Variants in STK32C observed in about 807,000 individuals in gnomAD.
The protein encoded by STK32C is serine/threonine-protein kinase 32C.
A neutral mutation model predicts 56.5 loss-of-function variants in STK32C; 31 were observed. The observed-to-expected ratio is 0.55, with a 90% CI of 0.41 to 0.74. STK32C has a LOEUF of 0.74. STK32C is among the 30% of genes least tolerant of loss of function. The probability of loss-of-function intolerance (pLI) is 0.00; values close to 1 mark genes in which losing one functional copy is unlikely to be tolerated. For missense variants in STK32C, 544 were observed against 676.9 expected (o/e 0.80, Z 2.18); for synonymous variants, 309 against 289.4 (o/e 1.07, Z -0.69).
In STK32C at chr10:132,208,108, G is replaced by C. The variant is rs767412928; in HGVS notation, c.1363C>G (p.Pro455Ala). The C allele has an allele frequency of 1.5e-6, 2 of 1,311,138 alleles. No homozygotes were observed. Among genetic ancestry groups the C allele is most frequent in the South Asian group, 3.2e-5 (1 of 31,472 alleles). 81.2% of individuals were successfully genotyped at this position (1,311,138 alleles called of 1,614,324 possible). A position where few individuals can be genotyped will look rare whatever the true frequency, so the allele number is the denominator to read the frequency against. The change falls in exon 12 of 12, where the codon CCT becomes GCT. Residue 455 changes from proline to alanine, a missense_variant. Pro to Ala is a conservative substitution (Grantham distance 27). Transcript: ENST00000298630. ...GGCTCCGCAGCATCCCTGGACTCAG[G>C]GGCGGGGAGAGGCTCCCTCGGGAGG... ...QDLPREPLPAPESRDAAEPVE... is the reference protein window; with the variant it reads ...QDLPREPLPAAESRDAAEPVE...
chr10:132,248,129 A>C (rs2063754454), intron 1 of STK32C, among the ~76,000 whole-genome samples: 1 of 152,212 alleles, frequency 6.6e-6, no homozygotes, highest in Non-Finnish European at 1.5e-5. Flanking sequence ...GCACCAGCAA[A>C]GCCACTCCAA....
At chr10:132,227,085 G>A (rs2062917145) in intron 3 of STK32C, 117 bp from the exon 4 acceptor site, 9 of 1,208,276 alleles carry the variant, frequency 7.4e-6, no homozygotes, top group Non-Finnish European at 1.0e-5. Context: ...TCAGCCACCA[G>A]GCATTCCCAG....
At chr10:132,208,929 C>T (rs563514928) in intron 11 of STK32C, 105 bp downstream of exon 11, 2 of 1,049,708 alleles carry the variant, frequency 1.9e-6, no homozygotes, top group South Asian at 1.5e-5. Flanking sequence ...CAGGGCCACG[C>T]ACCCCAGGCC....
chr10:132,278,248 A>T (rs2065045734), intron 1 of STK32C, among the ~76,000 whole-genome samples: 1 of 151,858 alleles, frequency 6.6e-6, no homozygotes. Context: ...CCCAGCAAAG[A>T]CCCACACATG....
At chr10:132,329,212 C>G (rs986279372) in intron 1 of STK32C, among the ~76,000 whole-genome samples, 2 of 152,148 alleles carry the variant, frequency 1.3e-5, no homozygotes, top group East Asian at 1.9e-4. Context: ...CTCAGGAGTT[C>G]GAGACCAGCC....
downstream of STK32C, among the ~76,000 whole-genome samples, chr10:132,320,404 T>G (rs2066383208): frequency 1.3e-5 from 2 of 150,792 alleles, no homozygotes; most frequent in East Asian, 2.0e-4. Context: ...CAGTGAGGGG[T>G]GGGGGTCCGC....
intron 1 of STK32C, among the ~76,000 whole-genome samples, chr10:132,289,543 T>C (rs4453144): frequency 0.33 from 50,015 of 152,196 alleles, 8,419 homozygotes; most frequent in Non-Finnish European, 0.37. Flanking sequence ...CAGGCTACTA[T>C]AACAGATTGC....
At chr10:132,245,090 T>TA (rs1193656308) in intron 2 of STK32C, among the ~76,000 whole-genome samples, 1 of 152,164 alleles carries the variant, frequency 6.6e-6, no homozygotes, top group Non-Finnish European at 1.5e-5. Flanking sequence ...ATGGAGGTAA[T>TA]TAATCGCATT....
upstream of STK32C, among the ~76,000 whole-genome samples, chr10:132,308,860 C>T (rs969302056): frequency 6.6e-6 from 1 of 152,194 alleles, no homozygotes; most frequent in Non-Finnish European, 1.5e-5. Context: ...TGCTGGGCGC[C>T]TTGGAGTGCC....
chr10:132,236,545 C>A (rs2063302204), intron 2 of STK32C, among the ~76,000 whole-genome samples: 1 of 152,180 alleles, frequency 6.6e-6, no homozygotes, highest in Admixed American at 6.5e-5. Context: ...GCAGGACAGC[C>A]AGGAAGGCAG....
intron 1 of STK32C, among the ~76,000 whole-genome samples, chr10:132,275,124 C>T (rs1384670088): frequency 6.6e-6 from 1 of 152,198 alleles, no homozygotes; most frequent in Non-Finnish European, 1.5e-5. Context: ...GGTACTGTCC[C>T]TGGTGCTGCC....
At chr10:132,235,378 C>T (rs372635926) in intron 2 of STK32C, among the ~76,000 whole-genome samples, 18 of 149,006 alleles carry the variant, frequency 1.2e-4, no homozygotes, top group African/African-American at 4.2e-4. Flanking sequence ...TGCCTGTAAT[C>T]CCAGCTTCTC....
rs1375036493 is a variant in STK32C, at chr10:132,253,563, T to C, written c.263-7608A>G. On this transcript the variant is annotated intron_variant, in intron 1 of 11. Transcript: ENST00000298630. ...AGGGAGTCGAGGGAGCTGGAGGGAG[T>C]CGAGGGAGCTGGAGGGAGCTGGAGG... Among the ~76,000 whole-genome samples the C allele has an allele frequency of 3.1e-4, 21 of 68,104 alleles. 1 individual carries two copies. The East Asian group carries it at 6.4e-3, about 21-fold the overall frequency. The allele number at this position is 68,104 out of a possible 152,430, so 44.7% of individuals were successfully genotyped here. A position where few individuals can be genotyped will look rare whatever the true frequency, so the allele number is the denominator to read the frequency against.
intron 2 of STK32C, among the ~76,000 whole-genome samples, chr10:132,230,136 C>G (rs529177524): frequency 6.6e-6 from 1 of 152,222 alleles, no homozygotes; most frequent in Non-Finnish European, 1.5e-5. Flanking sequence ...TTGAACGAGG[C>G]CGCCTTGGGA....
chr10:132,261,288 C>T (rs11146278), intron 1 of STK32C, among the ~76,000 whole-genome samples: 36,010 of 151,664 alleles, frequency 0.24, 4,994 homozygotes, highest in Non-Finnish European at 0.33. Flanking sequence ...AGTAAAGTTT[C>T]AGGATACAGA....
intron 1 of STK32C, among the ~76,000 whole-genome samples, chr10:132,280,838 A>T (rs897318113): frequency 7.8e-6 from 1 of 127,410 alleles, no homozygotes; most frequent in Admixed American, 8.2e-5. Flanking sequence ...ATGTCCCTGC[A>T]CTCCGTGATC....
intron 1 of STK32C, among the ~76,000 whole-genome samples, chr10:132,247,982 C>T (rs149712085): frequency 0.025 from 3,843 of 152,252 alleles, 60 homozygotes; most frequent in Middle Eastern, 0.054. Context: ...AGACCCGTGG[C>T]CGACACCCAC....
At chr10:132,331,221 A>AAAAAC in intron 1 of STK32C, among the ~76,000 whole-genome samples, 1 of 150,608 alleles carries the variant, frequency 6.6e-6, no homozygotes, top group Non-Finnish European at 1.5e-5. Flanking sequence ...AAAAAAAAAA[A>AAAAAC]AAAGTGAAAT....
chr10:132,234,685 G>A (rs929474912), intron 2 of STK32C, among the ~76,000 whole-genome samples: 13 of 152,186 alleles, frequency 8.5e-5, no homozygotes, highest in African/African-American at 1.2e-4. Flanking sequence ...GCTGCCATCC[G>A]TTCCTGTCAG....
Sources: gnomAD v4.1 joint callset for allele counts (sites outside exome capture counted in the v4.1 genomes callset) on GRCh38, gnomAD v4.1.1 for gene constraint, MANE v1.5 for transcripts, NCBI Gene and HGNC (gene_info 2026-07-23, HGNC 2026-07-21) for gene names.